The following WNT7B variants were observed in gnomAD, a reference collection of about 807,000 sequenced individuals.
WNT7B encodes protein Wnt-7b.
WNT7B carries 19 observed loss-of-function variants against 38.2 expected under a neutral mutation model. That is an observed-to-expected ratio of 0.50 (90% CI 0.35 to 0.73). WNT7B has a LOEUF of 0.73. Among genes scored for constraint, WNT7B ranks in the 30% least tolerant of loss-of-function variants. The pLI, the probability that WNT7B is intolerant of heterozygous loss-of-function variation, is 0.01. For synonymous variants in WNT7B, 243 were observed against 209.3 expected, an observed-to-expected ratio of 1.16 and a Z score of -1.39; for missense variants, 423 against 507.9, an observed-to-expected ratio of 0.83 and a Z score of 1.61.
intron 1 of WNT7B, chr22:45,972,208 G>C (rs1213632354): frequency 6.2e-6 from 4 of 648,320 alleles, no homozygotes; most frequent in Admixed American, 4.9e-5. Flanking sequence ...AGACGGAGAC[G>C]AGCGCGCTGC....
chr22:45,976,664 C>T lies in WNT7B; in HGVS notation c.71+20G>A, dbSNP rs1279843350. On this transcript the variant is annotated intron_variant, in intron 1 of 3. Coordinates refer to ENST00000339464, the MANE Select transcript of WNT7B (RefSeq NM_058238.3). This position sits in a 1 kb window ranked among gnomAD's most constrained non-coding sequence, Gnocchi z 8.5. ...GCTGTCTTGGCCCCTGGCTGCTGCC[C>T]TCGCCCACGGGGTACTCACCCGAGC... 5 of 1,603,856 alleles carry T rather than the reference C, an allele frequency of 3.1e-6. No homozygotes were observed. In the South Asian group the frequency reaches 3.3e-5, roughly 11 times the overall value.
At position 45,922,868 on chromosome 22, in the gene WNT7B, G is replaced by T. The variant is rs1177440913; in HGVS notation, c.1038C>A (p.Phe346Leu). 4 of 1,596,776 alleles carry T rather than the reference G, an allele frequency of 2.5e-6. No individual in the cohort carries two copies. Among genetic ancestry groups the T allele is most frequent in the Non-Finnish European group, 3.4e-6 (4 of 1,166,952 alleles). ...CNTCSERTEV[F>L]TCK ...TCCGGGCCTGGCCTCACTTGCAGGT[G>T]AAGACCTCGGTGCGCTCGCTGCAGG... Residue 346 changes from phenylalanine (F) to leucine (L), a missense_variant, in exon 4 of 4, where the codon TTC (phenylalanine) becomes TTA (leucine). Around this residue, in one of 3 missense-constraint regions of WNT7B, gnomAD observed 158 missense variants for 214.7 expected, o/e 0.74. Coordinates refer to ENST00000339464, the MANE Select transcript of WNT7B (RefSeq NM_058238.3).
chr22:45,947,912 T>C (rs1375473280), intron 2 of WNT7B, among the ~76,000 whole-genome samples: 1 of 152,124 alleles, frequency 6.6e-6, no homozygotes, highest in Non-Finnish European at 1.5e-5. Context: ...CACACAGCCA[T>C]ATGCCACACA....
intron 1 of WNT7B, among the ~76,000 whole-genome samples, chr22:45,962,440 C>G (rs528285379): frequency 2.0e-5 from 3 of 152,192 alleles, no homozygotes; most frequent in African/African-American, 7.2e-5. Flanking sequence ...CATACTGGAC[C>G]AGCTCCTCCC....
At chr22:45,973,264 C>T (rs1932490086) in intron 1 of WNT7B, among the ~76,000 whole-genome samples, 1 of 152,194 alleles carries the variant, frequency 6.6e-6, no homozygotes, top group East Asian at 1.9e-4. Context: ...TGTTTAAGCC[C>T]AGAAACATAG....
chr22:45,922,655 T>A lies in WNT7B; in HGVS notation c.*201A>T. The A allele has an allele frequency of 1.2e-6, 1 of 803,730 alleles. No homozygotes were observed. 49.8% of individuals were successfully genotyped at this position (803,730 alleles called of 1,614,324 possible). On this transcript the variant is annotated 3_prime_UTR_variant, in exon 4 of 4. Transcript: ENST00000339464. The stretch of plus-strand genomic sequence containing the variant: ...GGTGCTGTTCTGCCGCAGGAGGTGA[T>A]GGGAGGAGGTGGCAGGAAGGAGCCC...
intron 3 of WNT7B, among the ~76,000 whole-genome samples, chr22:45,928,373 C>T (rs1220961897): frequency 2.0e-5 from 3 of 152,228 alleles, no homozygotes; most frequent in Non-Finnish European, 2.9e-5. Flanking sequence ...AGGGCTCAGA[C>T]CACGCTTGTG....
intron 1 of WNT7B, among the ~76,000 whole-genome samples, chr22:45,956,617 G>A (rs961390045): frequency 6.6e-6 from 1 of 152,190 alleles, no homozygotes; most frequent in African/African-American, 2.4e-5. Flanking sequence ...CCAAGGATAC[G>A]CACATGGGTC....
chr22:45,934,276 CT>C (rs1931456583), intron 2 of WNT7B, among the ~76,000 whole-genome samples: 2 of 152,114 alleles, frequency 1.3e-5, no homozygotes, highest in Non-Finnish European at 2.9e-5. Flanking sequence ...CTCTCTGAGG[CT>C]AAGGTGACCT....
chr22:45,927,892 T>A (rs4074735), intron 3 of WNT7B, among the ~76,000 whole-genome samples: 10,171 of 152,118 alleles, frequency 0.067, 536 homozygotes, highest in Admixed American at 0.15. Context: ...CAAGACTCCA[T>A]CTCAAAACAA....
At chr22:45,967,958 G>A (rs890491793) in intron 1 of WNT7B, among the ~76,000 whole-genome samples, 4 of 152,114 alleles carry the variant, frequency 2.6e-5, no homozygotes, top group South Asian at 2.1e-4. Flanking sequence ...CAGAGGCAGC[G>A]CGGGCACTGG....
Position 45,975,476 on chromosome 22 carries a change from G to C in WNT7B, c.71+1208C>G, listed in dbSNP as rs373142727. 2 of 710,048 alleles carry C rather than the reference G, an allele frequency of 2.8e-6. No individual in the cohort carries two copies. Among genetic ancestry groups the C allele is most frequent in the Admixed American group, 4.0e-5 (2 of 49,406 alleles). 44.0% of individuals were successfully genotyped at this position (710,048 alleles called of 1,614,324 possible). On this transcript the variant is annotated intron_variant, in intron 1 of 3. Coordinates refer to ENST00000339464, the MANE Select transcript of WNT7B (RefSeq NM_058238.3). This position sits in a 1 kb window ranked among gnomAD's most constrained non-coding sequence, Gnocchi z 6.6. ...GACCTGCAGGGCTCAGGCTAGGACGGGGGCTTCCAGTCCTGCCTCTGAAGC... is the reference window on the plus strand; with the variant it reads ...GACCTGCAGGGCTCAGGCTAGGACGCGGGCTTCCAGTCCTGCCTCTGAAGC...
At chr22:45,929,923 C>CCCACTCATCCAT (rs879760578) in intron 3 of WNT7B, among the ~76,000 whole-genome samples, 1 of 102,564 alleles carries the variant, frequency 9.8e-6, no homozygotes, top group South Asian at 3.4e-4. Context: ...CATCTATCCT[C>CCCACTCATCCAT]CCATCCACCC....
At chr22:45,958,169 G>T (rs938078512) in intron 1 of WNT7B, among the ~76,000 whole-genome samples, 4 of 152,220 alleles carry the variant, frequency 2.6e-5, no homozygotes, top group Non-Finnish European at 4.4e-5. Flanking sequence ...GCAGTGATGC[G>T]GAGGCCAGGA....
rs1307209036 is a variant in WNT7B at position 45,975,300 on chromosome 22, G to A, written c.71+1384C>T. Reference sequence around the variant, plus strand: ...GAGTCACTGCAGGACTGCTGAAGATGCAGGAAAAGAGCAGCCTGCCCACTC... The same window carrying A: ...GAGTCACTGCAGGACTGCTGAAGATACAGGAAAAGAGCAGCCTGCCCACTC... On this transcript the variant is annotated intron_variant, in intron 1 of 3. Transcript: ENST00000339464. This position sits in a 1 kb window ranked among gnomAD's most constrained non-coding sequence, Gnocchi z 6.6. 6.6e-6 allele frequency among the ~76,000 whole-genome samples: 1 copy of A among 152,128 alleles called. No individual in the cohort carries two copies. The highest frequency in any genetic ancestry group is 1.5e-5 in the Non-Finnish European group (1 of 68,012).
chr22:45,952,914 C>A (rs541645887), intron 1 of WNT7B, among the ~76,000 whole-genome samples: 2 of 152,226 alleles, frequency 1.3e-5, no homozygotes, highest in Non-Finnish European at 2.9e-5. Context: ...GGTCTGGCCT[C>A]GGAAGACCCC....
At chr22:45,929,630 A>C (rs77397044) in intron 3 of WNT7B, among the ~76,000 whole-genome samples, 16,992 of 113,938 alleles carry the variant, frequency 0.15, 1,105 homozygotes, top group African/African-American at 0.22. Context: ...CCATCCTTCC[A>C]TCCATGCATC....
At chr22:45,928,593 C>A (rs56092335) in intron 3 of WNT7B, among the ~76,000 whole-genome samples, 39,495 of 152,006 alleles carry the variant, frequency 0.26, 5,289 homozygotes, top group South Asian at 0.32. Context: ...CCTGCCCACC[C>A]GTGGGGACCA....
At position 45,930,263 on chromosome 22, in the gene WNT7B, C is replaced by G. The variant is rs145519531; in HGVS notation, c.570+835G>C. Reference sequence around the variant, plus strand: ...TGGCACAGAAAAGGGCAGTGAGTGACCAGTGGCCTCAGCTATGGTCCCTGG... The same window carrying G: ...TGGCACAGAAAAGGGCAGTGAGTGAGCAGTGGCCTCAGCTATGGTCCCTGG... On this transcript the variant is annotated intron_variant, in intron 3 of 3. Coordinates refer to ENST00000339464, the MANE Select transcript of WNT7B (RefSeq NM_058238.3). Among the ~76,000 whole-genome samples, 94 of 152,362 alleles carry G rather than the reference C, an allele frequency of 6.2e-4. 2 individuals are homozygous for G. In the East Asian group the frequency reaches 0.013, roughly 21 times the overall value.
Sources: gnomAD v4.1 joint callset for allele counts (sites outside exome capture counted in the v4.1 genomes callset) on GRCh38, gnomAD v4.1.1 for gene constraint, gnomAD v4.1.1 regional missense constraint, Gnocchi (gnomAD v3.1) non-coding constraint, MANE v1.5 for transcripts, NCBI Gene and HGNC (gene_info 2026-07-23, HGNC 2026-07-21) for gene names.